The following RAD54L2 variants were observed in gnomAD, a reference collection of about 807,000 sequenced individuals.
RAD54L2 encodes the protein helicase ARIP4.
A neutral mutation model predicts 138.4 loss-of-function variants in RAD54L2; 27 were observed. That is an observed-to-expected ratio of 0.20 (90% CI 0.14 to 0.27). The LOEUF (loss-of-function observed/expected upper bound fraction) is 0.27, where lower values mean the gene tolerates loss of function less well. Among genes scored for constraint, RAD54L2 ranks in the 10% least tolerant of loss-of-function variants. RAD54L2 has a pLI of 1.00. For synonymous variants in RAD54L2, 644 were observed against 723.2 expected (o/e 0.89, Z 1.76); for missense variants, 1,396 against 1,890.2 (o/e 0.74, Z 4.85).
intron 3 of RAD54L2, among the ~76,000 whole-genome samples, chr3:51,601,868 T>C (rs1700089938): frequency 6.6e-6 from 1 of 152,090 alleles, no homozygotes; most frequent in Admixed American, 6.6e-5. Flanking sequence ...TTTGTTGTTT[T>C]TTTTTTCGAG....
intron 22 of RAD54L2, among the ~76,000 whole-genome samples, chr3:51,660,862 C>T (rs748590131): frequency 4.7e-5 from 7 of 148,882 alleles, no homozygotes; most frequent in Non-Finnish European, 8.9e-5. Context: ...CCTCGGGATC[C>T]GCCTGCCTCG....
Position 51,638,303 on chromosome 3 carries a change from A to G in RAD54L2, c.1842A>G (p.Ala614=). 6.2e-7 allele frequency: 1 copy of G among 1,613,852 alleles called. No individual in the cohort carries two copies. The highest frequency in any genetic ancestry group is 2.2e-5 in the East Asian group (1 of 44,876). The stretch of plus-strand genomic sequence containing the variant: ...GGCTGGGGCTGAACCCCCTTAAGGC[A>G]TTCTGTGTGTGTTGCAAGGTGCATT... ...SGWLGLNPLK[A]FCVCCKIWNH... The change falls in exon 12 of 23, where the codon GCA becomes GCG. Residue 614 remains alanine (A), a synonymous_variant. Coordinates refer to ENST00000684192, the MANE Select transcript of RAD54L2 (RefSeq NM_015106.4). This position sits in a 1 kb window ranked among gnomAD's most constrained non-coding sequence, Gnocchi z 4.3.
At chr3:51,639,702 A>T (rs757560295) in intron 13 of RAD54L2, 32 bp downstream of exon 13, 2 of 1,609,590 alleles carry the variant, frequency 1.2e-6, no homozygotes, top group South Asian at 2.2e-5. Flanking sequence ...GGAACCATAA[A>T]CTATTGCTGA....
At chr3:51,656,847 C>T (rs1431454299) in intron 20 of RAD54L2, among the ~76,000 whole-genome samples, 2 of 151,824 alleles carry the variant, frequency 1.3e-5, no homozygotes, top group African/African-American at 4.8e-5. Flanking sequence ...GCGATTCTCC[C>T]GCCTCAGCCT....
chr3:51,659,720 T>C (rs1301144220), intron 21 of RAD54L2, among the ~76,000 whole-genome samples: 1 of 152,222 alleles, frequency 6.6e-6, no homozygotes, highest in East Asian at 1.9e-4. Flanking sequence ...TGATATTTTC[T>C]GGTATAAGTC....
Position 51,663,712 on chromosome 3 carries a change from T to C in RAD54L2, c.*292T>C, listed in dbSNP as rs1453342454. The stretch of plus-strand genomic sequence containing the variant: ...TTTCCTTCCTGCCTTGCTTATGCTG[T>C]CTGCTTGCTTGCTCGCCCATCTGAG... On this transcript the variant is annotated 3_prime_UTR_variant, in exon 23 of 23. Transcript: ENST00000684192. 8.2e-6 allele frequency: 3 copies of C among 364,806 alleles called. No homozygotes were observed. Among genetic ancestry groups the C allele is most frequent in the African/African-American group, 4.2e-5 (2 of 47,858 alleles). 22.6% of individuals were successfully genotyped at this position (364,806 alleles called of 1,614,324 possible).
intron 3 of RAD54L2, among the ~76,000 whole-genome samples, chr3:51,624,549 A>G (rs1700635650): frequency 1.3e-5 from 2 of 152,100 alleles, no homozygotes; most frequent in Non-Finnish European, 2.9e-5. Context: ...CGTGAGCCAC[A>G]CTTGGCCTGT....
intron 2 of RAD54L2, among the ~76,000 whole-genome samples, chr3:51,581,831 A>G (rs1699613721): frequency 6.6e-6 from 1 of 152,078 alleles, no homozygotes; most frequent in African/African-American, 2.4e-5. Context: ...AGCTGTTCTG[A>G]ACTCAGGGCT....
intron 2 of RAD54L2, among the ~76,000 whole-genome samples, chr3:51,545,782 T>C (rs1338429084): frequency 6.6e-6 from 1 of 151,902 alleles, no homozygotes; most frequent in Non-Finnish European, 1.5e-5. Flanking sequence ...GGTCCCACTA[T>C]GTTGCGCAGG....
At chr3:51,600,623 G>T (rs1700059421) in intron 3 of RAD54L2, among the ~76,000 whole-genome samples, 1 of 151,578 alleles carries the variant, frequency 6.6e-6, no homozygotes, top group Admixed American at 6.6e-5. Context: ...AAAAAATAAA[G>T]TAAAACCTTG....
chr3:51,622,535 C>T (rs1577432490), intron 3 of RAD54L2, among the ~76,000 whole-genome samples: 1 of 152,144 alleles, frequency 6.6e-6, no homozygotes, highest in African/African-American at 2.4e-5. Flanking sequence ...TACCCGAAAC[C>T]GTCTCTCAGT....
Position 51,645,120 on chromosome 3 carries a change from G to T in RAD54L2, c.2547G>T (p.Arg849=). 1.2e-6 allele frequency: 2 copies of T among 1,613,932 alleles called. No individual in the cohort carries two copies. Among genetic ancestry groups the T allele is most frequent in the Non-Finnish European group, 1.7e-6 (2 of 1,179,882 alleles). Residue 849 remains arginine, a synonymous_variant, in exon 17 of 23, where the codon CGG becomes CGT. Transcript: ENST00000684192. The surrounding 1 kb of genome is among the most constrained non-coding windows in gnomAD (Gnocchi z 6.1). ...GCCATGATGCCCAGGCAGTATGTCG[G>T]GTATACCGTTATGGCCAGAAAAAGC... is the stretch of plus-strand genomic sequence containing the variant. ...NPCHDAQAVC[R]VYRYGQKKPC...
chr3:51,666,852 C>G lies in RAD54L2; in HGVS notation c.*3432C>G, dbSNP rs1412590234. ...CTATATGCTTGTGATCCTTGGAGCT[C>G]TCTTCCCTAGGAATTAGTGTGTGGA... On this transcript the variant is annotated 3_prime_UTR_variant, in exon 23 of 23. Transcript: ENST00000684192. 6.6e-6 allele frequency: 1 copy of G among 152,012 alleles called. No individual in the cohort carries two copies. Among genetic ancestry groups the G allele is most frequent in the Non-Finnish European group, 1.5e-5 (1 of 68,038 alleles). 9.4% of individuals were successfully genotyped at this position (152,012 alleles called of 1,614,324 possible). A position where few individuals can be genotyped will look rare whatever the true frequency, so the allele number is the denominator to read the frequency against.
intron 21 of RAD54L2, among the ~76,000 whole-genome samples, chr3:51,658,238 G>A (rs1175438792): frequency 1.3e-5 from 2 of 152,046 alleles, no homozygotes; most frequent in Non-Finnish European, 2.9e-5. Flanking sequence ...GGCCCTTACT[G>A]TCATTTTTAT....
At chr3:51,623,195 A>G (rs535368821) in intron 3 of RAD54L2, among the ~76,000 whole-genome samples, 2 of 152,364 alleles carry the variant, frequency 1.3e-5, no homozygotes, top group East Asian at 3.9e-4. Flanking sequence ...CTACAATTTC[A>G]TCGAGGCAGT....
chr3:51,594,114 A>G (rs1577410407), intron 3 of RAD54L2, among the ~76,000 whole-genome samples: 1 of 119,442 alleles, frequency 8.4e-6, no homozygotes, highest in Non-Finnish European at 1.6e-5. Context: ...TCTTTTGCCC[A>G]GGCTGGAGTG....
intron 3 of RAD54L2, among the ~76,000 whole-genome samples, chr3:51,614,148 T>C (rs1353356634): frequency 6.6e-6 from 1 of 152,062 alleles, no homozygotes; most frequent in East Asian, 1.9e-4. Context: ...ATTTCATTTC[T>C]TCATGTTCTG....
At chr3:51,600,898 C>T (rs748723611) in intron 3 of RAD54L2, among the ~76,000 whole-genome samples, 6 of 151,622 alleles carry the variant, frequency 4.0e-5, no homozygotes, top group East Asian at 2.0e-4. Context: ...ACCCAGGAGG[C>T]GGAGGTTGCA....
At chr3:51,598,836 C>T (rs1018749630) in intron 3 of RAD54L2, among the ~76,000 whole-genome samples, 1 of 152,086 alleles carries the variant, frequency 6.6e-6, no homozygotes, top group Non-Finnish European at 1.5e-5. Context: ...GAGGGTGTCA[C>T]ACAAAGGGAG....
Sources: gnomAD v4.1 joint callset for allele counts (sites outside exome capture counted in the v4.1 genomes callset) on GRCh38, gnomAD v4.1.1 for gene constraint, Gnocchi (gnomAD v3.1) non-coding constraint, MANE v1.5 for transcripts, NCBI Gene and HGNC (gene_info 2026-07-23, HGNC 2026-07-21) for gene names.